The following RIT2 variants were observed in gnomAD, a reference collection of about 807,000 sequenced individuals.
RIT2 encodes Ras like without CAAX 2.
RIT2 carries 24 observed loss-of-function variants against 23.7 expected under a neutral mutation model. That is an observed-to-expected ratio of 1.01 (90% CI 0.73 to 1.43). The LOEUF (loss-of-function observed/expected upper bound fraction) is 1.43, where lower values mean the gene tolerates loss of function less well. RIT2 is among the 40% of genes most tolerant of loss of function. The pLI is 0.00. For missense variants in RIT2, 236 were observed against 266.9 expected (o/e 0.88, Z 0.81); for synonymous variants, 107 against 91.1 (o/e 1.17, Z -0.99).
intron 1 of RIT2, among the ~76,000 whole-genome samples, chr18:43,036,662 A>G (rs1200918415): frequency 6.6e-6 from 1 of 152,182 alleles, no homozygotes; most frequent in Non-Finnish European, 1.5e-5. Context: ...AATTGAAAAA[A>G]GCCCTTTAAA....
intron 4 of RIT2, among the ~76,000 whole-genome samples, chr18:42,903,515 AT>A (rs1908532462): frequency 6.6e-6 from 1 of 152,118 alleles, no homozygotes; most frequent in African/African-American, 2.4e-5. Flanking sequence ...AACTAAAAAA[AT>A]AAAACTTGAC....
chr18:42,797,158 T>C (rs2143956310), intron 4 of RIT2, among the ~76,000 whole-genome samples: 1 of 152,264 alleles, frequency 6.6e-6, no homozygotes, highest in African/African-American at 2.4e-5. Context: ...TTAGTCTCCT[T>C]CCCTGCTCTT....
At chr18:43,002,480 G>A (rs932544236) in intron 2 of RIT2, among the ~76,000 whole-genome samples, 1 of 151,390 alleles carries the variant, frequency 6.6e-6, no homozygotes, top group Non-Finnish European at 1.5e-5. Context: ...ATTACATTCA[G>A]TAACACACTT....
chr18:42,956,429 C>T (rs1776922124), intron 3 of RIT2, among the ~76,000 whole-genome samples: 1 of 152,092 alleles, frequency 6.6e-6, no homozygotes, highest in African/African-American at 2.4e-5. Context: ...TATCTGTAAC[C>T]TCCATGGACT....
At chr18:43,057,314 C>G (rs562647428) in intron 1 of RIT2, among the ~76,000 whole-genome samples, 73 of 152,234 alleles carry the variant, frequency 4.8e-4, no homozygotes, top group Non-Finnish European at 5.7e-4. Context: ...AGGCCTGTAG[C>G]CCTTGGCTTT....
Position 42,785,448 on chromosome 18 carries a change from C to CT in RIT2, c.427-41729dup, listed in dbSNP as rs11292332. 3.3e-3 allele frequency among the ~76,000 whole-genome samples: 484 copies of CT among 146,198 alleles called. 2 individuals are homozygous for CT. In the East Asian group the frequency reaches 0.038, roughly 11 times the overall value. ...ATCCATGTTAAGTTTCTTGGCCTCT[C>CT]TTTTTTTTTTTTAATTTAAATTATA... On this transcript the variant is annotated intron_variant, in intron 4 of 4. Coordinates refer to ENST00000326695, the MANE Select transcript of RIT2 (RefSeq NM_002930.4).
intron 4 of RIT2, among the ~76,000 whole-genome samples, chr18:42,917,985 T>C (rs1184327284): frequency 6.6e-6 from 1 of 152,186 alleles, no homozygotes. Context: ...CTCAGAACTG[T>C]GTACACATGT....
At chr18:42,830,762 T>C (rs776657139) in intron 4 of RIT2, among the ~76,000 whole-genome samples, 7 of 152,194 alleles carry the variant, frequency 4.6e-5, no homozygotes, top group Admixed American at 3.3e-4. Flanking sequence ...TAAGGCAAGA[T>C]AGGGAACAAG....
chr18:42,877,520 C>CTATATATA (rs144405918), intron 4 of RIT2, among the ~76,000 whole-genome samples: 13,841 of 143,550 alleles, frequency 0.096, 739 homozygotes, highest in East Asian at 0.19. Context: ...TTTGTATACA[C>CTATATATA]TATATATATA....
intron 2 of RIT2, among the ~76,000 whole-genome samples, chr18:42,981,973 C>T (rs546183998): frequency 3.3e-5 from 5 of 152,258 alleles, no homozygotes; most frequent in South Asian, 4.1e-4. Flanking sequence ...GAAACACTGT[C>T]ATGAACAACC....
At chr18:42,799,896 C>T (rs1210961276) in intron 4 of RIT2, among the ~76,000 whole-genome samples, 1 of 152,130 alleles carries the variant, frequency 6.6e-6, no homozygotes, top group Non-Finnish European at 1.5e-5. Context: ...ATCTAATTCT[C>T]CCACCATTAT....
At chr18:43,050,183 G>A (rs1291469193) in intron 1 of RIT2, among the ~76,000 whole-genome samples, 11 of 151,240 alleles carry the variant, frequency 7.3e-5, no homozygotes, top group South Asian at 4.2e-4. Context: ...TGCACCACCA[G>A]GACAGGCTAA....
At chr18:42,986,038 T>C (rs1910699901) in intron 2 of RIT2, among the ~76,000 whole-genome samples, 2 of 151,052 alleles carry the variant, frequency 1.3e-5, no homozygotes, top group Admixed American at 1.3e-4. Context: ...TGGTTTTTTC[T>C]TTTCTTTTTT....
chr18:42,918,276 T>C (rs1211721403), intron 4 of RIT2, among the ~76,000 whole-genome samples: 2 of 152,160 alleles, frequency 1.3e-5, no homozygotes, highest in African/African-American at 4.8e-5. Context: ...CAAATTCCAG[T>C]TCTACAACCA....
intron 4 of RIT2, among the ~76,000 whole-genome samples, chr18:42,775,987 T>C (rs1048780194): frequency 6.6e-6 from 1 of 152,136 alleles, no homozygotes; most frequent in Non-Finnish European, 1.5e-5. Flanking sequence ...AATAAATTGA[T>C]GTGATGAGAT....
chr18:42,806,100 A>AATATATATATATATATAT (rs58214096), intron 4 of RIT2, among the ~76,000 whole-genome samples: 5 of 140,034 alleles, frequency 3.6e-5, no homozygotes, highest in African/African-American at 1.0e-4. Flanking sequence ...TAATAAAATT[A>AATATATATATATATATAT]ATATATATAT....
intron 1 of RIT2, among the ~76,000 whole-genome samples, chr18:43,107,979 C>T (rs988906088): frequency 2.2e-4 from 32 of 143,444 alleles, no homozygotes; most frequent in Admixed American, 4.4e-4. Flanking sequence ...CTGGCTAACA[C>T]GGTGATACCC....
intron 1 of RIT2, among the ~76,000 whole-genome samples, chr18:43,047,291 C>T (rs1457024823): frequency 6.6e-6 from 1 of 152,040 alleles, no homozygotes; most frequent in Non-Finnish European, 1.5e-5. Flanking sequence ...TCTCTCAATA[C>T]TCTTTCTCCC....
intron 3 of RIT2, among the ~76,000 whole-genome samples, chr18:42,950,635 A>G (rs1284309857): frequency 6.6e-6 from 1 of 152,094 alleles, no homozygotes; most frequent in Non-Finnish European, 1.5e-5. Flanking sequence ...AATATTCACA[A>G]ACCACGCATC....
Sources: allele counts gnomAD v4.1 joint callset (sites outside exome capture counted in the v4.1 genomes callset), GRCh38; gene constraint gnomAD v4.1.1; transcripts MANE v1.5; gene names NCBI Gene and HGNC (gene_info 2026-07-23, HGNC 2026-07-21).